The following FAM153A variants were observed in gnomAD, a reference collection of about 807,000 sequenced individuals.
FAM153A encodes protein FAM153A.
A neutral mutation model predicts 48.1 loss-of-function variants in FAM153A; 12 were observed. That is an observed-to-expected ratio of 0.25 (90% CI 0.16 to 0.40). The LOEUF (loss-of-function observed/expected upper bound fraction) is 0.40, where lower values mean the gene tolerates loss of function less well. Ranked by LOEUF, FAM153A falls within the 10% of genes least tolerant of loss-of-function variation. The pLI, the probability that FAM153A is intolerant of heterozygous loss-of-function variation, is 1.00. For missense variants in FAM153A, 111 were observed against 345.8 expected (o/e 0.32, Z 5.38); for synonymous variants, 36 against 118.2 (o/e 0.30, Z 4.51).
intron 1 of FAM153A, among the ~76,000 whole-genome samples, chr5:177,752,643 G>GAAAAT (rs1767115588): frequency 2.1e-5 from 1 of 48,276 alleles, no homozygotes; most frequent in Non-Finnish European, 3.9e-5. Flanking sequence ...AAAAAAAAAA[G>GAAAAT]AAAAGTCCAG....
At chr5:177,759,914 T>A (rs1768143993) in intron 1 of FAM153A, among the ~76,000 whole-genome samples, 1 of 151,282 alleles carries the variant, frequency 6.6e-6, no homozygotes, top group African/African-American at 2.4e-5. Context: ...GTAACAAACC[T>A]GCACGTTGTG....
downstream of FAM153A, among the ~76,000 whole-genome samples, chr5:177,703,093 C>A (rs1339190382): frequency 6.6e-6 from 1 of 152,162 alleles, no homozygotes; most frequent in African/African-American, 2.4e-5. Context: ...GGTAGATCCA[C>A]CAGCAGCTTG....
chr5:177,716,322 C>T (rs1261006132), intron 25 of FAM153A: 1 of 151,864 alleles, frequency 6.6e-6, no homozygotes, highest in African/African-American at 2.4e-5. Flanking sequence ...AGAAATGGGT[C>T]ATCAGAAATT....
At chr5:177,717,704 T>G (rs1760169448), downstream of FAM153A, among the ~76,000 whole-genome samples, 1 of 124,748 alleles carries the variant, frequency 8.0e-6, no homozygotes, top group Non-Finnish European at 1.7e-5. Flanking sequence ...CAACACTGCC[T>G]AATCTGAATT....
At chr5:177,714,170 CT>C (rs1367235691) in intron 25 of FAM153A, 1 of 150,806 alleles carries the variant, frequency 6.6e-6, no homozygotes, top group Non-Finnish European at 1.5e-5. Flanking sequence ...TTTCTCTTCT[CT>C]TTTTACCTAA....
At chr5:177,730,758 C>T (rs1246885401) in intron 16 of FAM153A, among the ~76,000 whole-genome samples, 2 of 142,426 alleles carry the variant, frequency 1.4e-5, no homozygotes, top group African/African-American at 2.6e-5. Flanking sequence ...GCCTCTTCCA[C>T]TTAAAAGACC....
chr5:177,711,647 A>T (rs1261256190), exon 27 of FAM153A: 2 of 151,958 alleles, frequency 1.3e-5, no homozygotes, highest in African/African-American at 4.9e-5. Flanking sequence ...ATGCCAAAAG[A>T]AGTAATGTGT....
At chr5:177,698,544 C>T in the FAM153A span, among the ~76,000 whole-genome samples, 1 of 151,920 alleles carries the variant, frequency 6.6e-6, no homozygotes, top group Middle Eastern at 3.4e-3. Context: ...AATCTATATA[C>T]CTCCTTTGTT....
intron 1 of FAM153A, among the ~76,000 whole-genome samples, chr5:177,768,400 T>C (rs1411654638): frequency 1.3e-5 from 2 of 151,520 alleles, no homozygotes; most frequent in Non-Finnish European, 2.9e-5. Context: ...TTCTCTCCTC[T>C]CCAGAGTCTC....
rs542089043 is a variant in FAM153A at position 177,741,361 on chromosome 5, G to A, written c.365-29C>T. The A allele has an allele frequency of 3.4e-4, 170 of 499,094 alleles. 35 individuals carry two copies. The African/African-American group carries it at 3.5e-3, about 10-fold the overall frequency. The allele number at this position is 499,094 out of a possible 1,614,324, so 30.9% of individuals were successfully genotyped here. A position where few individuals can be genotyped will look rare whatever the true frequency, so the allele number is the denominator to read the frequency against. On this transcript the variant is annotated intron_variant, in intron 6 of 20. Coordinates refer to ENST00000614127, the Ensembl canonical transcript of FAM153A. ...GGAAACACAGAGTAATTGTCAGCAC[G>A]TTGGGTGCACTGAAGGAATCCGTCA...
downstream of FAM153A, among the ~76,000 whole-genome samples, chr5:177,707,407 G>GA (rs1757965065): frequency 6.6e-6 from 1 of 151,422 alleles, no homozygotes; most frequent in Non-Finnish European, 1.5e-5. Flanking sequence ...AATGGTCAGT[G>GA]AAAAAATCAA....
chr5:177,712,476 G>GA (rs1433087037), exon 27 of FAM153A: 3 of 151,514 alleles, frequency 2.0e-5, no homozygotes, highest in Non-Finnish European at 4.4e-5. Flanking sequence ...CACCTCAAAA[G>GA]AAAAAATAAG....
downstream of FAM153A, among the ~76,000 whole-genome samples, chr5:177,706,117 T>C (rs960797588): frequency 1.3e-5 from 2 of 151,748 alleles, no homozygotes; most frequent in Non-Finnish European, 2.9e-5. Flanking sequence ...GTGGACCCAG[T>C]AGAAATACAA....
At chr5:177,734,349 A>G in intron 14 of FAM153A, 31 bp downstream of exon 16, 2 of 1,145,352 alleles carry the variant, frequency 1.7e-6, no homozygotes, top group Non-Finnish European at 2.4e-6. Context: ...TGGATTACTC[A>G]TCAGTATGAG....
chr5:177,729,542 G>A, exon 17 of FAM153A: 1 of 1,608,982 alleles, frequency 6.2e-7, no homozygotes, highest in Non-Finnish European at 8.5e-7. Flanking sequence ...GCTCCTCCAG[G>A]TCTTCCAGGT....
chr5:177,705,748 T>C (rs1242812004), downstream of FAM153A, among the ~76,000 whole-genome samples: 5 of 146,730 alleles, frequency 3.4e-5, no homozygotes, highest in East Asian at 1.0e-3. Flanking sequence ...CAACCTCTGC[T>C]TCCTGGGTTC....
At chr5:177,714,270 TAGG>T (rs1228866395) in intron 25 of FAM153A, 2 of 151,224 alleles carry the variant, frequency 1.3e-5, no homozygotes, top group Non-Finnish European at 2.9e-5. Context: ...AGCCACAAAT[TAGG>T]AGTCAGGATT....
exon 27 of FAM153A, chr5:177,711,725 T>C (rs1287966805): frequency 6.6e-6 from 1 of 151,976 alleles, no homozygotes; most frequent in African/African-American, 2.4e-5. Context: ...GATTTGAACA[T>C]TAAACAAACC....
the FAM153A span, among the ~76,000 whole-genome samples, chr5:177,698,728 G>A: frequency 1.3e-5 from 2 of 151,738 alleles, no homozygotes; most frequent in Non-Finnish European, 2.9e-5. Flanking sequence ...GTGCGATCAC[G>A]GCTTATTGCA....
Sources: gnomAD v4.1 joint callset for allele counts (sites outside exome capture counted in the v4.1 genomes callset) on GRCh38, gnomAD v4.1.1 for gene constraint, MANE v1.5 for transcripts, NCBI Gene and HGNC (gene_info 2026-07-23, HGNC 2026-07-21) for gene names.